Variants in ERMP1 observed in about 807,000 individuals in gnomAD.
ERMP1 encodes the protein Felix-ina.
Under a neutral mutation model 92.0 loss-of-function variants are expected in ERMP1, and 86 were observed. The ratio of observed to expected loss-of-function variants is 0.93; its 90% CI spans 0.79 to 1.12. The LOEUF is 1.12. Ranked by LOEUF, ERMP1 falls within the 50% of genes most tolerant of loss-of-function variation. The probability of loss-of-function intolerance (pLI) is 0.00; values close to 1 mark genes in which losing one functional copy is unlikely to be tolerated. For synonymous variants in ERMP1, 530 were observed against 412.8 expected, an observed-to-expected ratio of 1.28 and a Z score of -3.44; for missense variants, 1,342 against 1,116.3, an observed-to-expected ratio of 1.20 and a Z score of -2.88.
intron 10 of ERMP1, among the ~76,000 whole-genome samples, chr9:5,802,982 G>A (rs1327871114): frequency 2.0e-5 from 3 of 151,942 alleles, no homozygotes; most frequent in African/African-American, 4.8e-5. Flanking sequence ...GCAGGGAGCC[G>A]AGATTACACC....
At chr9:5,840,835 TTTGCA>T (rs1211494178) in intron 6 of ERMP1, among the ~76,000 whole-genome samples, 1 of 152,240 alleles carries the variant, frequency 6.6e-6, no homozygotes, top group African/African-American at 2.4e-5. Flanking sequence ...AAAACCTTCA[TTTGCA>T]TGGCATTACA....
In ERMP1 at chr9:5,804,913, T is replaced by C. The variant is rs80141430; in HGVS notation, c.1914+114A>G. 2,485 of 768,254 alleles carry C rather than the reference T, an allele frequency of 3.2e-3. 59 individuals are homozygous for C. The African/African-American group carries it at 0.04, about 12-fold the overall frequency. 47.6% of individuals were successfully genotyped at this position (768,254 alleles called of 1,614,324 possible). A position where few individuals can be genotyped will look rare whatever the true frequency, so the allele number is the denominator to read the frequency against. Reference sequence around the variant, plus strand: ...ATGGCCATTCATTCACCATTTCTTCTGCTTCAGATTTTCTCAATAAAGTAC... The same window carrying C: ...ATGGCCATTCATTCACCATTTCTTCCGCTTCAGATTTTCTCAATAAAGTAC... On this transcript the variant is annotated intron_variant, in intron 10 of 14. Coordinates refer to ENST00000339450, the MANE Select transcript of ERMP1 (RefSeq NM_024896.3).
intron 4 of ERMP1, among the ~76,000 whole-genome samples, chr9:5,820,337 G>A (rs1232663882): frequency 6.6e-6 from 1 of 152,110 alleles, no homozygotes; most frequent in East Asian, 1.9e-4. Context: ...GACAGAATAT[G>A]ATTCTATTTT....
chr9:5,841,302 T>C (rs1044359431), intron 6 of ERMP1, among the ~76,000 whole-genome samples: 4 of 152,216 alleles, frequency 2.6e-5, no homozygotes, highest in African/African-American at 9.7e-5. Flanking sequence ...CGTACTATAA[T>C]GGGATGAGCC....
chr9:5,784,780 A>G lies in ERMP1; in HGVS notation c.*2364T>C, dbSNP rs1827869342. ...ACTGTAAAAACAAACACTTCATGCG[A>G]CAATCATTCTTAGGTCAAACACAAG... is the stretch of plus-strand genomic sequence containing the variant. On this transcript the variant is annotated 3_prime_UTR_variant, in exon 15 of 15. Transcript: ENST00000339450. 6.6e-6 allele frequency: 1 copy of G among 151,668 alleles called. No homozygotes were observed. Among genetic ancestry groups the G allele is most frequent in the Admixed American group, 6.6e-5 (1 of 15,260 alleles). The allele number at this position is 151,668 out of a possible 1,614,324, so 9.4% of individuals were successfully genotyped here.
intron 6 of ERMP1, among the ~76,000 whole-genome samples, chr9:5,839,304 T>C (rs1830129733): frequency 6.6e-6 from 1 of 152,230 alleles, no homozygotes; most frequent in Admixed American, 6.5e-5. Context: ...TTTTAATGGC[T>C]TTGGATTTTG....
At chr9:5,843,277 G>C (rs1319177011) in intron 6 of ERMP1, among the ~76,000 whole-genome samples, 1 of 152,160 alleles carries the variant, frequency 6.6e-6, no homozygotes. Flanking sequence ...AGCCAAATCT[G>C]CTATTTTTTC....
chr9:5,855,210 C>T (rs1451155239), intron 6 of ERMP1, among the ~76,000 whole-genome samples: 1 of 152,170 alleles, frequency 6.6e-6, no homozygotes, highest in Non-Finnish European at 1.5e-5. Context: ...TAAATCCTTT[C>T]CTCCTAGGAT....
intron 1 of ERMP1, 45 bp downstream of exon 1, chr9:5,832,645 C>T: frequency 7.4e-7 from 1 of 1,343,122 alleles, no homozygotes; most frequent in South Asian, 1.7e-5. Flanking sequence ...TGCGCAGGAG[C>T]CGCAAACGGA....
Position 5,797,805 on chromosome 9 carries a change from T to C in ERMP1, c.2386+12A>G. The C allele has an allele frequency of 1.3e-6, 2 of 1,505,698 alleles. No individual in the cohort carries two copies. Among genetic ancestry groups the C allele is most frequent in the Admixed American group, 1.9e-5 (1 of 53,566 alleles). 93.3% of individuals were successfully genotyped at this position (1,505,698 alleles called of 1,614,324 possible). ...AATAAAGGAGGGGAGAAAAAACTAT[T>C]ATATGACTTACCTGTTGCTTCAAAA... On this transcript the variant is annotated intron_variant, in intron 13 of 14. Coordinates refer to ENST00000339450, the MANE Select transcript of ERMP1 (RefSeq NM_024896.3).
chr9:5,788,205 G>A (rs1040587149), intron 13 of ERMP1, among the ~76,000 whole-genome samples: 2 of 152,134 alleles, frequency 1.3e-5, no homozygotes, highest in Non-Finnish European at 2.9e-5. Context: ...TGAAATAACC[G>A]TAAATTTTTA....
At chr9:5,866,629 A>G (rs1036021002) in intron 5 of ERMP1, among the ~76,000 whole-genome samples, 1 of 152,216 alleles carries the variant, frequency 6.6e-6, no homozygotes, top group Non-Finnish European at 1.5e-5. Context: ...GGCATGGGAA[A>G]CTAAGGAAAC....
chr9:5,806,490 C>T (rs1461770646), intron 8 of ERMP1, among the ~76,000 whole-genome samples: 3 of 150,606 alleles, frequency 2.0e-5, no homozygotes, highest in Admixed American at 1.3e-4. Flanking sequence ...TCCAGTGGTG[C>T]GATCTCGGCC....
upstream of ERMP1, chr9:5,833,176 GC>G (rs1563775613): frequency 4.2e-6 from 3 of 713,458 alleles, no homozygotes; most frequent in Non-Finnish European, 6.3e-6. Flanking sequence ...GTCCCGCCGC[GC>G]CAAGACCCAG....
chr9:5,846,048 G>C (rs1168213909), intron 6 of ERMP1, among the ~76,000 whole-genome samples: 1 of 152,182 alleles, frequency 6.6e-6, no homozygotes, highest in Non-Finnish European at 1.5e-5. Flanking sequence ...TCTGGGTCTG[G>C]AGAGGTTGGG....
chr9:5,839,101 A>T (rs1358078363), intron 6 of ERMP1, among the ~76,000 whole-genome samples: 1 of 152,220 alleles, frequency 6.6e-6, no homozygotes, highest in African/African-American at 2.4e-5. Flanking sequence ...GTGATCCAGG[A>T]GGGGAATGCA....
Position 5,805,734 on chromosome 9 carries a change from C to T in ERMP1, c.1600G>A (p.Val534Ile). ...AGGGTAACAAGAAAACAGCAATGGA[C>T]AAACAGCGAAATGTCAAAAAATACT... ...GEVFFDISLFVHCCFLVTLTY... is the reference protein window; with the variant it reads ...GEVFFDISLFIHCCFLVTLTY... Residue 534 changes from valine (V) to isoleucine (I), a missense_variant, in exon 9 of 15, where the codon GTC (valine) becomes ATC (isoleucine). By Grantham distance (29) the Val-to-Ile change is conservative (BLOSUM62 3). Transcript: ENST00000339450. The T allele has an allele frequency of 6.2e-7, 1 of 1,611,736 alleles. No individual in the cohort carries two copies. Among genetic ancestry groups the T allele is most frequent in the Non-Finnish European group, 8.5e-7 (1 of 1,179,244 alleles).
At chr9:5,807,055 T>C (rs544437953) in intron 8 of ERMP1, among the ~76,000 whole-genome samples, 1 of 152,338 alleles carries the variant, frequency 6.6e-6, no homozygotes, top group Admixed American at 6.5e-5. Context: ...AATTTGAAGC[T>C]GAATGCCACT....
chr9:5,835,198 T>C (rs1337883763), upstream of ERMP1, among the ~76,000 whole-genome samples: 2 of 152,212 alleles, frequency 1.3e-5, no homozygotes, highest in Non-Finnish European at 2.9e-5. Context: ...TCTCTATACT[T>C]GTATAGTCTA....
Sources: gnomAD v4.1 joint callset for allele counts (sites outside exome capture counted in the v4.1 genomes callset) on GRCh38, gnomAD v4.1.1 for gene constraint, MANE v1.5 for transcripts, NCBI Gene and HGNC (gene_info 2026-07-23, HGNC 2026-07-21) for gene names.